Variants in NEUROG3 observed in about 807,000 individuals in gnomAD.
The protein encoded by NEUROG3 is neurogenin 3.
For missense variants in NEUROG3, 307 were observed against 297.9 expected (o/e 1.03, Z -0.22); for synonymous variants, 161 against 139.2 (o/e 1.16, Z -1.10).
chr10:69,573,039 G>A lies in NEUROG3; in HGVS notation c.5C>T (p.Thr2Met). 5 of 1,613,352 alleles carry A rather than the reference G, an allele frequency of 3.1e-6. No homozygotes were observed. Among genetic ancestry groups the A allele is most frequent in the Non-Finnish European group, 4.2e-6 (5 of 1,179,920 alleles). Residue 2 changes from threonine to methionine, a missense_variant, in exon 2 of 2, where the codon ACG becomes ATG. Thr to Met is a moderately conservative substitution (Grantham distance 81). Coordinates refer to ENST00000242462, the MANE Select transcript of NEUROG3 (RefSeq NM_020999.4). ...AGTGGGCGCACCCGAGGGTTGAGGC[G>A]TCATCCTACGGCGGGGTCAGAGGGA... M[T>M]PQPSGAPTVQ... is the part of the protein sequence containing the mutation.
intron 1 of NEUROG3, 43 bp from the exon 2 acceptor site, chr10:69,573,087 T>A: frequency 1.2e-6 from 1 of 806,476 alleles, no homozygotes. Context: ...AGTCCGTCAC[T>A]GGGCGCAGTC....
chr10:69,573,246 AG>A lies in NEUROG3; in HGVS notation c.-39del. The stretch of plus-strand genomic sequence containing the variant: ...CGCAAAAGAATAGAGAGCGATGAGC[AG>A]CGAGGGCCGTGGGGAGCTCAGCGGG... On this transcript the variant is annotated 5_prime_UTR_variant, in exon 1 of 2. Transcript: ENST00000242462. 1.6e-6 allele frequency: 1 copy of A among 639,328 alleles called. No individual in the cohort carries two copies. Among genetic ancestry groups the A allele is most frequent in the Non-Finnish European group, 2.7e-6 (1 of 375,328 alleles). The allele number at this position is 639,328 out of a possible 1,614,324, so 39.6% of individuals were successfully genotyped here.
Position 69,572,902 on chromosome 10 carries a change from C to T in NEUROG3, c.142G>A (p.Glu48Lys). The T allele has an allele frequency of 6.2e-7, 1 of 1,611,760 alleles. No individual in the cohort carries two copies. The stretch of plus-strand genomic sequence containing the variant: ...CCTCGGCAGCCTCCCTCTTCCGCCT[C>T]TGCGCAGTTCCCCCGTGTGCGAGTG... ...SPTRTRGNCA[E>K]AEEGGCRGAP... The change falls in exon 2 of 2, where the codon GAG (glutamate) becomes AAG (lysine). Residue 48 changes from glutamate (E) to lysine (K), a missense_variant. By Grantham distance (56) the Glu-to-Lys change is moderately conservative. Transcript: ENST00000242462.
At position 69,571,889 on chromosome 10, in the gene NEUROG3, C is replaced by T. The variant is rs10823408; in HGVS notation, c.*510G>A. On this transcript the variant is annotated 3_prime_UTR_variant, in exon 2 of 2. Coordinates refer to ENST00000242462, the MANE Select transcript of NEUROG3 (RefSeq NM_020999.4). Reference sequence around the variant, plus strand: ...TTCGTGGCTTTAAGGCAGAGTGAGGCGCCCTGAAATCCCGGACCTGATTGG... The same window carrying T: ...TTCGTGGCTTTAAGGCAGAGTGAGGTGCCCTGAAATCCCGGACCTGATTGG... The T allele has an allele frequency of 0.058, 8,980 of 154,580 alleles. 336 individuals are homozygous for T. The highest frequency in any genetic ancestry group is 0.16 in the East Asian group (813 of 5,176). 9.6% of individuals were successfully genotyped at this position (154,580 alleles called of 1,614,324 possible). A position where few individuals can be genotyped will look rare whatever the true frequency, so the allele number is the denominator to read the frequency against.
chr10:69,572,958 A>G lies in NEUROG3; in HGVS notation c.86T>C (p.Val29Ala), dbSNP rs1285211986. The change falls in exon 2 of 2, where the codon GTG (valine) becomes GCG (alanine). Residue 29 changes from valine to alanine, a missense_variant. Physicochemically the swap from Val to Ala is moderately conservative, Grantham distance 64 (BLOSUM62 0). Transcript: ENST00000242462. ...RSFPRASEDEVTCPTSAPPSP... is the reference protein window; with the variant it reads ...RSFPRASEDEATCPTSAPPSP... ...GGGCGGGGCGGACGTGGGGCAGGTCACTTCGTCTTCCGAGGCTCTGGGGAA... is the reference window on the plus strand; with the variant it reads ...GGGCGGGGCGGACGTGGGGCAGGTCGCTTCGTCTTCCGAGGCTCTGGGGAA... The G allele has an allele frequency of 1.2e-6, 2 of 1,613,224 alleles. No homozygotes were observed. Among genetic ancestry groups the G allele is most frequent in the East Asian group, 2.2e-5 (1 of 44,846 alleles).
rs762178894 is a variant in NEUROG3, at chr10:69,572,817, G to A, written c.227C>T (p.Ala76Val). 1 of 1,612,554 alleles carries A rather than the reference G, an allele frequency of 6.2e-7. No homozygotes were observed. The highest frequency in any genetic ancestry group is 8.5e-7 in the Non-Finnish European group (1 of 1,179,382). Residue 76 changes from alanine to valine, a missense_variant, in exon 2 of 2, where the codon GCA (alanine) becomes GTA (valine). By Grantham distance (64) the Ala-to-Val change is moderately conservative. Transcript: ENST00000242462. ...GGRSRPKSEL[A>V]LSKQRRSRRK... Reference sequence around the variant, plus strand: ...CCGACTCCGTCGCTGCTTGCTCAGTGCCAACTCGCTCTTAGGCCGGCTGCG... The same window carrying A: ...CCGACTCCGTCGCTGCTTGCTCAGTACCAACTCGCTCTTAGGCCGGCTGCG...
rs1302009946 is a variant in NEUROG3, at chr10:69,572,815, G to A, written c.229C>T (p.Leu77=). 1.2e-6 allele frequency: 2 copies of A among 1,612,666 alleles called. No homozygotes were observed. The highest frequency in any genetic ancestry group is 1.7e-6 in the Non-Finnish European group (2 of 1,179,498). The change falls in exon 2 of 2, where the codon CTG becomes TTG. Residue 77 remains leucine, a synonymous_variant. Coordinates refer to ENST00000242462, the MANE Select transcript of NEUROG3 (RefSeq NM_020999.4). ...CGCCGACTCCGTCGCTGCTTGCTCA[G>A]TGCCAACTCGCTCTTAGGCCGGCTG... ...GRSRPKSELA[L]SKQRRSRRKK...
In NEUROG3 at chr10:69,572,236, C is replaced by T; in HGVS notation, c.*163G>A. 2.5e-6 allele frequency: 2 copies of T among 793,532 alleles called. No homozygotes were observed. Among genetic ancestry groups the T allele is most frequent in the Non-Finnish European group, 3.9e-6 (2 of 510,320 alleles). The allele number at this position is 793,532 out of a possible 1,614,324, so 49.2% of individuals were successfully genotyped here. A position where few individuals can be genotyped will look rare whatever the true frequency, so the allele number is the denominator to read the frequency against. On this transcript the variant is annotated 3_prime_UTR_variant, in exon 2 of 2. Transcript: ENST00000242462. ...CGGAGGGCCGGGGAATGAACCCAGC[C>T]TGCCGCCCCCGTGGAGGCCTGGGCC...
Position 69,572,195 on chromosome 10 carries a change from G to C in NEUROG3, c.*204C>G. Reference sequence around the variant, plus strand: ...TCGCGCGGGCAGCAGCAAGGGTTGCGTGCGTTGGCGCGGCTCGGAGGGCCG... The same window carrying C: ...TCGCGCGGGCAGCAGCAAGGGTTGCCTGCGTTGGCGCGGCTCGGAGGGCCG... On this transcript the variant is annotated 3_prime_UTR_variant, in exon 2 of 2. Transcript: ENST00000242462. 3.2e-6 allele frequency: 2 copies of C among 627,686 alleles called. No individual in the cohort carries two copies. Among genetic ancestry groups the C allele is most frequent in the Non-Finnish European group, 2.8e-6 (1 of 362,596 alleles). 38.9% of individuals were successfully genotyped at this position (627,686 alleles called of 1,614,324 possible).
rs762942188 is a variant in NEUROG3, at chr10:69,572,467, C to T, written c.577G>A (p.Gly193Arg). The T allele has an allele frequency of 6.3e-6, 10 of 1,589,662 alleles. No homozygotes were observed. The highest frequency in any genetic ancestry group is 2.7e-5 in the African/African-American group (2 of 74,262). Reference sequence around the variant, plus strand: ...GCGGAAAAGGTGGCCCCCAGCAGCCCGGGTCGCTCCTCCAGCGACGCGGCG... The same window carrying T: ...GCGGAAAAGGTGGCCCCCAGCAGCCTGGGTCGCTCCTCCAGCGACGCGGCG... ...SPAASLEERP[G>R]LLGATFSACL... The change falls in exon 2 of 2, where the codon GGG becomes AGG. Residue 193 changes from glycine (G) to arginine (R), a missense_variant. Physicochemically the swap from Gly to Arg is moderately radical, Grantham distance 125. Transcript: ENST00000242462.
rs1018124786 is a variant in NEUROG3 at position 69,571,765 on chromosome 10, C to G, written c.*634G>C. The stretch of plus-strand genomic sequence containing the variant: ...TTCGCAGGGAGGCTGGGGAGATGCT[C>G]CCTGGCCGGGCTAGCGCTTTCCCAG... On this transcript the variant is annotated 3_prime_UTR_variant, in exon 2 of 2. Coordinates refer to ENST00000242462, the MANE Select transcript of NEUROG3 (RefSeq NM_020999.4). 1 of 152,260 alleles carries G rather than the reference C, an allele frequency of 6.6e-6. No homozygotes were observed. The highest frequency in any genetic ancestry group is 1.5e-5 in the Non-Finnish European group (1 of 68,052). The allele number at this position is 152,260 out of a possible 1,614,324, so 9.4% of individuals were successfully genotyped here.
In NEUROG3 at chr10:69,572,698, C is replaced by T. The variant is rs757577842; in HGVS notation, c.346G>A (p.Asp116Asn). The T allele has an allele frequency of 6.8e-6, 11 of 1,614,024 alleles. No individual in the cohort carries two copies. The South Asian group carries it at 8.8e-5, about 13-fold the overall frequency. Reference sequence around the variant, plus strand: ...GTCTCGATCTTGGTGAGCTTCGCGTCGTCTGGGAAGGTGGGCAGGACACCG... The same window carrying T: ...GTCTCGATCTTGGTGAGCTTCGCGTTGTCTGGGAAGGTGGGCAGGACACCG... ...LRGVLPTFPDDAKLTKIETLR... is the reference protein window; with the variant it reads ...LRGVLPTFPDNAKLTKIETLR... Residue 116 changes from aspartate to asparagine, a missense_variant, in exon 2 of 2, where the codon GAC (aspartate) becomes AAC (asparagine). Physicochemically the swap from Asp to Asn is conservative, Grantham distance 23. Transcript: ENST00000242462.
In NEUROG3 at chr10:69,573,371, TG is replaced by T; in HGVS notation, c.-164del. On this transcript the variant is annotated 5_prime_UTR_variant, in exon 1 of 2. Coordinates refer to ENST00000242462, the MANE Select transcript of NEUROG3 (RefSeq NM_020999.4). ...AAGAGAGAATGGGGTCCGAGGCCTC[TG>T]TCACGCTCTCTCTCGAGGCGCGGCG... The T allele has an allele frequency of 7.1e-6, 3 of 424,598 alleles. No homozygotes were observed. Among genetic ancestry groups the T allele is most frequent in the South Asian group, 3.1e-5 (1 of 31,794 alleles). 26.3% of individuals were successfully genotyped at this position (424,598 alleles called of 1,614,324 possible).
At position 69,572,784 on chromosome 10, in the gene NEUROG3, T is replaced by G. The variant is rs146850791; in HGVS notation, c.260A>C (p.Lys87Thr). ...LSKQRRSRRK[K>T]ANDRERNRMH... ...TCGATTGCGCTCGCGGTCGTTGGCCTTCTTTCGCCGACTCCGTCGCTGCTT... is the reference window on the plus strand; with the variant it reads ...TCGATTGCGCTCGCGGTCGTTGGCCGTCTTTCGCCGACTCCGTCGCTGCTT... The change falls in exon 2 of 2, where the codon AAG (lysine) becomes ACG (threonine). Residue 87 changes from lysine (K) to threonine (T), a missense_variant. Physicochemically the swap from Lys to Thr is moderately conservative, Grantham distance 78. Transcript: ENST00000242462. 3.3e-5 allele frequency: 54 copies of G among 1,613,776 alleles called. No individual in the cohort carries two copies. In the African/African-American group the frequency reaches 5.7e-4, roughly 17 times the overall value.
Position 69,572,368 on chromosome 10 carries a change from G to A in NEUROG3, c.*31C>T, listed in dbSNP as rs1839222563. 1 of 1,574,802 alleles carries A rather than the reference G, an allele frequency of 6.3e-7. No individual in the cohort carries two copies. Among genetic ancestry groups the A allele is most frequent in the Middle Eastern group, 1.7e-4 (1 of 5,858 alleles). ...GCTCCCTCCCTCTCCCTTACCCTTA[G>A]CACCCACAGCCCAGCGACAGACAGG... is the stretch of plus-strand genomic sequence containing the variant. On this transcript the variant is annotated 3_prime_UTR_variant, in exon 2 of 2. Coordinates refer to ENST00000242462, the MANE Select transcript of NEUROG3 (RefSeq NM_020999.4).
rs1238275615 is a variant in NEUROG3, at chr10:69,573,091, C to A, written c.-1-47G>T. On this transcript the variant is annotated intron_variant, in intron 1 of 1. Coordinates refer to ENST00000242462, the MANE Select transcript of NEUROG3 (RefSeq NM_020999.4). ...GGGTAAGTTTGAGTCCGTCACTGGG[C>A]GCAGTCCGCGATTCCGAGGCTAGGT... 6.9e-6 allele frequency: 11 copies of A among 1,600,122 alleles called. No individual in the cohort carries two copies. In the South Asian group the frequency reaches 1.2e-4, roughly 18 times the overall value.
rs41277238 is a variant in NEUROG3, at chr10:69,572,583, G to A, written c.461C>T (p.Pro154Leu). 6.2e-7 allele frequency: 1 copy of A among 1,613,558 alleles called. No homozygotes were observed. The highest frequency in any genetic ancestry group is 1.3e-5 in the African/African-American group (1 of 75,038). Reference protein sequence around the residue: ...HSLYALEPPAPHCGELGSPGG... With the variant: ...HSLYALEPPALHCGELGSPGG... The stretch of plus-strand genomic sequence containing the variant: ...TGGGCTGCCCAGCTCCCCGCAGTGC[G>A]GCGCCGGCGGCTCCAGCGCGTACAA... The change falls in exon 2 of 2, where the codon CCG (proline) becomes CTG (leucine). Residue 154 changes from proline (P) to leucine (L), a missense_variant. Physicochemically the swap from Pro to Leu is moderately conservative, Grantham distance 98. Coordinates refer to ENST00000242462, the MANE Select transcript of NEUROG3 (RefSeq NM_020999.4).
rs947910304 is a variant in NEUROG3 at position 69,572,220 on chromosome 10, G to A, written c.*179C>T. On this transcript the variant is annotated 3_prime_UTR_variant, in exon 2 of 2. Transcript: ENST00000242462. ...GTGCGTTGGCGCGGCTCGGAGGGCC[G>A]GGGAATGAACCCAGCCTGCCGCCCC... The A allele has an allele frequency of 3.3e-5, 23 of 700,878 alleles. No homozygotes were observed. Among genetic ancestry groups the A allele is most frequent in the African/African-American group, 3.0e-4 (17 of 55,854 alleles). The allele number at this position is 700,878 out of a possible 1,614,324, so 43.4% of individuals were successfully genotyped here.
rs762664166 is a variant in NEUROG3 at position 69,572,554 on chromosome 10, C to A, written c.490G>T (p.Gly164Cys). The change falls in exon 2 of 2, where the codon GGT becomes TGT. Residue 164 changes from glycine (G) to cysteine (C), a missense_variant. By Grantham distance (159) the Gly-to-Cys change is radical. Transcript: ENST00000242462. ...AGGGACCCCCAGTCCCCGGGGGAAC[C>A]GCCTGGGCTGCCCAGCTCCCCGCAG... ...PHCGELGSPG[G>C]SPGDWGSLYS... 6.8e-6 allele frequency: 11 copies of A among 1,610,780 alleles called. No homozygotes were observed. The highest frequency in any genetic ancestry group is 1.7e-4 in the Middle Eastern group (1 of 5,924).
Sources: allele counts gnomAD v4.1 joint callset, GRCh38; gene constraint gnomAD v4.1.1; transcripts MANE v1.5; gene names NCBI Gene and HGNC (gene_info 2026-07-23, HGNC 2026-07-21).